The following ZNF551 variants were observed in gnomAD, a reference collection of about 807,000 sequenced individuals.
The protein encoded by ZNF551 is zinc finger protein 551, also known as KOX 23 protein (56 AA).
In ZNF551, 5 loss-of-function variants were observed where a neutral mutation model predicts 7.9. The observed-to-expected ratio is 0.63, with a 90% CI of 0.33 to 1.33. The LOEUF (loss-of-function observed/expected upper bound fraction) is 1.33, where lower values mean the gene tolerates loss of function less well. Among genes scored for constraint, ZNF551 ranks in the 40% most tolerant of loss-of-function variants. The pLI, the probability that ZNF551 is intolerant of heterozygous loss-of-function variation, is 0.05. For missense variants in ZNF551, 788 were observed against 825.2 expected, an observed-to-expected ratio of 0.95 and a Z score of 0.55; for synonymous variants, 287 against 277.3, an observed-to-expected ratio of 1.03 and a Z score of -0.35.
In ZNF551 at chr19:57,687,571, G is replaced by A. The variant is rs1875870026; in HGVS notation, c.1296G>A (p.Ser432=). The part of the protein sequence containing the change: ...SDCGKSFSCK[S]ELIQHQRIHS... The stretch of plus-strand genomic sequence containing the variant: ...GTGGGAAATCTTTTAGCTGCAAATC[G>A]GAACTCATTCAACACCAGAGAATTC... Residue 432 remains serine, a synonymous_variant, in exon 3 of 3, where the codon TCG becomes TCA. Coordinates refer to ENST00000282296, the MANE Select transcript of ZNF551 (RefSeq NM_138347.5). 1.2e-6 allele frequency: 2 copies of A among 1,613,654 alleles called. No homozygotes were observed. Among genetic ancestry groups the A allele is most frequent in the East Asian group, 2.2e-5 (1 of 44,826 alleles).
In ZNF551 at chr19:57,685,395, T is replaced by C; in HGVS notation, c.205+10T>C. 2.5e-6 allele frequency: 4 copies of C among 1,614,016 alleles called. No individual in the cohort carries two copies. The highest frequency in any genetic ancestry group is 3.4e-6 in the Non-Finnish European group (4 of 1,179,948). ...CATGTAACATCCCTGGGTAAGGCCC[T>C]AGCATCCCTCCGAGTGTCTGCTTTT... On this transcript the variant is annotated intron_variant, in intron 2 of 2. Transcript: ENST00000282296.
At chr19:57,685,136 C>A in intron 1 of ZNF551, 126 bp from the exon 2 acceptor site, 7 of 1,257,002 alleles carry the variant, frequency 5.6e-6, no homozygotes, top group Middle Eastern at 2.2e-4. Context: ...GGGTAGGCAT[C>A]GGTGGCACTG....
At chr19:57,685,038 G>A (rs1190644099) in intron 1 of ZNF551, among the ~76,000 whole-genome samples, 1 of 152,154 alleles carries the variant, frequency 6.6e-6, no homozygotes, top group Non-Finnish European at 1.5e-5. Context: ...TAGCCTACCT[G>A]CCATGCCCAG....
intron 2 of ZNF551, 151 bp downstream of exon 2, chr19:57,685,536 G>A: frequency 1.6e-6 from 2 of 1,264,490 alleles, no homozygotes; most frequent in Non-Finnish European, 1.1e-6. Context: ...GGTACCTTGT[G>A]GCCCAGTTTC....
Position 57,689,935 on chromosome 19 carries a change from T to G in ZNF551, c.*1647T>G, listed in dbSNP as rs912840998. 4 of 152,212 alleles carry G rather than the reference T, an allele frequency of 2.6e-5. No homozygotes were observed. The East Asian group carries it at 7.7e-4, about 29-fold the overall frequency. The allele number at this position is 152,212 out of a possible 1,614,324, so 9.4% of individuals were successfully genotyped here. On this transcript the variant is annotated 3_prime_UTR_variant, in exon 3 of 3. Coordinates refer to ENST00000282296, the MANE Select transcript of ZNF551 (RefSeq NM_138347.5). ...AGGATCATTCCGCGGTCCAGGGATG[T>G]GGCTTTTGTGACTCAGCCAACATTC...
chr19:57,686,550 C>T lies in ZNF551; in HGVS notation c.275C>T (p.Ser92Phe). 1.2e-6 allele frequency: 2 copies of T among 1,614,158 alleles called. No individual in the cohort carries two copies. The highest frequency in any genetic ancestry group is 1.7e-6 in the Non-Finnish European group (2 of 1,180,040). ...AGTGTATCTATACAGGTCAGGACTT[C>T]TAAGGGCAATACACCCACCCAGAAA... The part of the protein sequence containing the change: ...EQSVSIQVRT[S>F]KGNTPTQKTH... The change falls in exon 3 of 3, where the codon TCT becomes TTT. Residue 92 changes from serine (S) to phenylalanine (F), a missense_variant. By Grantham distance (155) the Ser-to-Phe change is radical (BLOSUM62 -2). Transcript: ENST00000282296.
Position 57,687,939 on chromosome 19 carries a change from G to C in ZNF551, c.1664G>C (p.Gly555Ala). 6.2e-7 allele frequency: 1 copy of C among 1,614,162 alleles called. No homozygotes were observed. The highest frequency in any genetic ancestry group is 1.1e-5 in the South Asian group (1 of 91,076). The change falls in exon 3 of 3, where the codon GGA (glycine) becomes GCA (alanine). Residue 555 changes from glycine (G) to alanine (A), a missense_variant. Physicochemically the swap from Gly to Ala is moderately conservative, Grantham distance 60. Transcript: ENST00000282296. ...ATTCAGCACCGGAGACTTCATACTGGAGAAAGGCCTTATGAATGTAGTGAA... is the reference window on the plus strand; with the variant it reads ...ATTCAGCACCGGAGACTTCATACTGCAGAAAGGCCTTATGAATGTAGTGAA... ...GLIQHRRLHT[G>A]ERPYECSECG...
rs777221514 is a variant in ZNF551, at chr19:57,688,271, A to G, written c.1996A>G (p.Thr666Ala). 5 of 1,614,068 alleles carry G rather than the reference A, an allele frequency of 3.1e-6. No homozygotes were observed. The highest frequency in any genetic ancestry group is 3.3e-5 in the Admixed American group (2 of 60,024). The change falls in exon 3 of 3, where the codon ACT (threonine) becomes GCT (alanine). Residue 666 changes from threonine to alanine, a missense_variant. Transcript: ENST00000282296. ...SNLIRHRRVH[T>A]EERP is the part of the protein sequence containing the mutation. ...CCTCATTCGACATCGGAGAGTTCAC[A>G]CTGAAGAAAGGCCTTAAATGTGAAG...
intron 2 of ZNF551, among the ~76,000 whole-genome samples, chr19:57,686,147 A>G (rs1316869833): frequency 6.6e-6 from 1 of 152,182 alleles, no homozygotes; most frequent in African/African-American, 2.4e-5. Flanking sequence ...TCAAGTTTCA[A>G]TTGGATTTTC....
rs1431224201 is a variant in ZNF551 at position 57,687,766 on chromosome 19, C to T, written c.1491C>T (p.His497=). The change falls in exon 3 of 3, where the codon CAC becomes CAT. Residue 497 remains histidine (H), a synonymous_variant. Coordinates refer to ENST00000282296, the MANE Select transcript of ZNF551 (RefSeq NM_138347.5). ...TCCTGATTCAACACCAAAGAGTTCA[C>T]ACTGGAGAAAGACCTTATGAATGCA... ...KFILIQHQRV[H]TGERPYECSE... 1.2e-6 allele frequency: 2 copies of T among 1,614,212 alleles called. No homozygotes were observed. Among genetic ancestry groups the T allele is most frequent in the Non-Finnish European group, 1.7e-6 (2 of 1,180,030 alleles).
rs574289613 is a variant in ZNF551 at position 57,686,509 on chromosome 19, G to A, written c.234G>A (p.Ala78=). The part of the protein sequence containing the change: ...LGYCHGMENE[A]IASEQSVSIQ... ...ATTGCCATGGAATGGAGAATGAGGC[G>A]ATAGCTTCTGAGCAGAGTGTATCTA... Residue 78 remains alanine (A), a synonymous_variant, in exon 3 of 3, where the codon GCG becomes GCA. Transcript: ENST00000282296. 6.8e-6 allele frequency: 11 copies of A among 1,609,344 alleles called. No homozygotes were observed. The highest frequency in any genetic ancestry group is 1.7e-5 in the Admixed American group (1 of 59,882).
At chr19:57,683,939 G>A (rs1003074635) in intron 1 of ZNF551, among the ~76,000 whole-genome samples, 25 of 152,102 alleles carry the variant, frequency 1.6e-4, no homozygotes, top group East Asian at 3.9e-4. Flanking sequence ...AGGCTGTCAC[G>A]TTATCTTAGG....
At position 57,687,828 on chromosome 19, in the gene ZNF551, T is replaced by C. The variant is rs199962853; in HGVS notation, c.1553T>C (p.Leu518Pro). The C allele has an allele frequency of 6.2e-7, 1 of 1,614,074 alleles. No homozygotes were observed. The highest frequency in any genetic ancestry group is 1.7e-5 in the Admixed American group (1 of 60,028). ...AAATCCTTTACCCGCAAATCTGACC[T>C]CATTCAACACCGGAGAATTCATACT... ...CGKSFTRKSD[L>P]IQHRRIHTGT... The change falls in exon 3 of 3, where the codon CTC (leucine) becomes CCC (proline). Residue 518 changes from leucine (L) to proline (P), a missense_variant. Coordinates refer to ENST00000282296, the MANE Select transcript of ZNF551 (RefSeq NM_138347.5).
intron 1 of ZNF551, 46 bp from the exon 2 acceptor site, chr19:57,685,216 T>C: frequency 6.2e-7 from 1 of 1,604,514 alleles, no homozygotes; most frequent in Non-Finnish European, 8.5e-7. Context: ...AAGAGGATAA[T>C]GAACTCCGGG....
rs1984700417 is a variant in ZNF551, at chr19:57,689,606, C to G, written c.*1318C>G. 6.6e-6 allele frequency: 1 copy of G among 152,194 alleles called. No individual in the cohort carries two copies. The highest frequency in any genetic ancestry group is 1.5e-5 in the Non-Finnish European group (1 of 68,118). 9.4% of individuals were successfully genotyped at this position (152,194 alleles called of 1,614,324 possible). A position where few individuals can be genotyped will look rare whatever the true frequency, so the allele number is the denominator to read the frequency against. On this transcript the variant is annotated 3_prime_UTR_variant, in exon 3 of 3. Coordinates refer to ENST00000282296, the MANE Select transcript of ZNF551 (RefSeq NM_138347.5). ...CTGAGCTCAGGAGTTCAAGACCAGC[C>G]TGGGCAACATGGTGAAATCCCATGT...
At chr19:57,685,127 G>A (rs1984513792) in intron 1 of ZNF551, 135 bp from the exon 2 acceptor site, 2 of 1,115,716 alleles carry the variant, frequency 1.8e-6, no homozygotes, top group East Asian at 2.4e-5. Flanking sequence ...GTGGGGAGAG[G>A]GTAGGCATCG....
chr19:57,682,882 G>A (rs1466554108), intron 1 of ZNF551, among the ~76,000 whole-genome samples: 1 of 152,172 alleles, frequency 6.6e-6, no homozygotes, highest in Non-Finnish European at 1.5e-5. Flanking sequence ...ATTATATGAA[G>A]CTGTTGGCAG....
rs1472570692 is a variant in ZNF551, at chr19:57,689,154, C to G, written c.*866C>G. 6.6e-6 allele frequency: 1 copy of G among 152,184 alleles called. No homozygotes were observed. Among genetic ancestry groups the G allele is most frequent in the African/African-American group, 2.4e-5 (1 of 41,448 alleles). The allele number at this position is 152,184 out of a possible 1,614,324, so 9.4% of individuals were successfully genotyped here. A position where few individuals can be genotyped will look rare whatever the true frequency, so the allele number is the denominator to read the frequency against. ...GAAAAGGAGGCAGTTGTGACAATCC[C>G]CAGTGCTTCTGTGAACGTGAATTTT... On this transcript the variant is annotated 3_prime_UTR_variant, in exon 3 of 3. Coordinates refer to ENST00000282296, the MANE Select transcript of ZNF551 (RefSeq NM_138347.5).
Position 57,687,217 on chromosome 19 carries a change from A to G in ZNF551, c.942A>G (p.Lys314=), listed in dbSNP as rs746504836. ...CTTATGAATGCAGTGATCGTGAGAA[A>G]GCCTTTATCCATAAATCTGAATTCA... ...ERPYECSDRE[K]AFIHKSEFIH... Residue 314 remains lysine (K), a synonymous_variant, in exon 3 of 3, where the codon AAA becomes AAG. Coordinates refer to ENST00000282296, the MANE Select transcript of ZNF551 (RefSeq NM_138347.5). 4 of 1,614,196 alleles carry G rather than the reference A, an allele frequency of 2.5e-6. No individual in the cohort carries two copies. In the Admixed American group the frequency reaches 6.7e-5, roughly 27 times the overall value.
Sources: gnomAD v4.1 joint callset for allele counts (sites outside exome capture counted in the v4.1 genomes callset) on GRCh38, gnomAD v4.1.1 for gene constraint, MANE v1.5 for transcripts, NCBI Gene and HGNC (gene_info 2026-07-23, HGNC 2026-07-21) for gene names.